The following TDRD3 variants were observed in gnomAD, a reference collection of about 807,000 sequenced individuals.
TDRD3 encodes the protein tudor domain containing 3.
TDRD3 carries 45 observed loss-of-function variants against 86.7 expected under a neutral mutation model. The observed-to-expected ratio is 0.52, with a 90% CI of 0.41 to 0.67. TDRD3 has a LOEUF of 0.67. Ranked by LOEUF, TDRD3 falls within the 30% of genes least tolerant of loss-of-function variation. The pLI is 0.00. For missense variants in TDRD3, 814 were observed against 889.0 expected, an observed-to-expected ratio of 0.92 and a Z score of 1.07; for synonymous variants, 298 against 301.7, an observed-to-expected ratio of 0.99 and a Z score of 0.13.
At chr13:60,448,016 CT>C (rs1472497589) in intron 3 of TDRD3, among the ~76,000 whole-genome samples, 2 of 152,140 alleles carry the variant, frequency 1.3e-5, no homozygotes, top group Admixed American at 1.3e-4. Flanking sequence ...TATCAGTAAT[CT>C]TTTTTGGAAG....
At chr13:60,396,578 T>TC (rs759755515), upstream of TDRD3, 6 of 153,346 alleles carry the variant, frequency 3.9e-5, no homozygotes, top group Non-Finnish European at 7.2e-5. Context: ...ACACGGATGG[T>TC]CCCAGGGGGA....
chr13:60,534,645 G>C (rs557369661), intron 11 of TDRD3, among the ~76,000 whole-genome samples: 2 of 151,978 alleles, frequency 1.3e-5, no homozygotes, highest in African/African-American at 4.8e-5. Context: ...AGAATTGTTG[G>C]CTGGGCGCAG....
At chr13:60,422,696 C>T (rs1458944653) in intron 1 of TDRD3, among the ~76,000 whole-genome samples, 2 of 151,544 alleles carry the variant, frequency 1.3e-5, no homozygotes, top group Non-Finnish European at 2.9e-5. Context: ...GGAAAATGGA[C>T]TAGAATGAAA....
At chr13:60,420,042 AATG>A (rs1024048605) in intron 1 of TDRD3, among the ~76,000 whole-genome samples, 49 of 152,116 alleles carry the variant, frequency 3.2e-4, no homozygotes, top group African/African-American at 1.0e-3. Context: ...TACATCATGT[AATG>A]ATAGATATAC....
intron 1 of TDRD3, among the ~76,000 whole-genome samples, chr13:60,416,627 T>C (rs1204429222): frequency 6.6e-6 from 1 of 152,236 alleles, no homozygotes; most frequent in African/African-American, 2.4e-5. Flanking sequence ...TACTTATAGC[T>C]ACTGTTTCTT....
At chr13:60,455,714 T>G (rs2138030945) in intron 3 of TDRD3, among the ~76,000 whole-genome samples, 1 of 152,250 alleles carries the variant, frequency 6.6e-6, no homozygotes, top group Non-Finnish European at 1.5e-5. Context: ...ATGGAGAGTG[T>G]GATGCTTATG....
chr13:60,496,343 A>G (rs2181297), intron 8 of TDRD3, among the ~76,000 whole-genome samples: 8 of 91,560 alleles, frequency 8.7e-5, no homozygotes, highest in Non-Finnish European at 1.7e-4. Context: ...ATATATATAT[A>G]TCCTCTAAAG....
intron 1 of TDRD3, among the ~76,000 whole-genome samples, chr13:60,417,786 T>C (rs866006652): frequency 1.3e-5 from 2 of 152,160 alleles, no homozygotes; most frequent in Non-Finnish European, 2.9e-5. Context: ...TTCACTGTAC[T>C]TCTCTTCCCC....
chr13:60,530,753 C>A (rs1451490666), intron 11 of TDRD3, among the ~76,000 whole-genome samples: 1 of 151,926 alleles, frequency 6.6e-6, no homozygotes, highest in Non-Finnish European at 1.5e-5. Flanking sequence ...CCACGCCCGG[C>A]CCAAAATAAA....
chr13:60,569,677 C>G (rs925649429), intron 13 of TDRD3, among the ~76,000 whole-genome samples: 14 of 152,116 alleles, frequency 9.2e-5, no homozygotes, highest in African/African-American at 3.4e-4. Context: ...TCAGATTATA[C>G]TACAAAGCCG....
chr13:60,398,273 T>C (rs1953996455), intron 1 of TDRD3, among the ~76,000 whole-genome samples: 1 of 152,128 alleles, frequency 6.6e-6, no homozygotes, highest in African/African-American at 2.4e-5. Context: ...CAATTACTGC[T>C]TTAGGAGAAA....
intron 1 of TDRD3, among the ~76,000 whole-genome samples, chr13:60,433,514 T>C (rs1955005648): frequency 6.6e-6 from 1 of 152,246 alleles, no homozygotes; most frequent in Non-Finnish European, 1.5e-5. Flanking sequence ...GTTCTTTTCT[T>C]GCTTGGAAAG....
intron 12 of TDRD3, among the ~76,000 whole-genome samples, chr13:60,555,837 C>A (rs1284104020): frequency 2.7e-5 from 4 of 150,568 alleles, no homozygotes; most frequent in African/African-American, 4.9e-5. Context: ...GGAAAAAAAA[C>A]CAACCTATTT....
chr13:60,560,824 C>T (rs1022317296), intron 12 of TDRD3, among the ~76,000 whole-genome samples: 2 of 152,056 alleles, frequency 1.3e-5, no homozygotes, highest in African/African-American at 2.4e-5. Context: ...ACAGTCCTCC[C>T]GAAATTTTCT....
At chr13:60,403,096 T>C (rs1224667202) in intron 1 of TDRD3, among the ~76,000 whole-genome samples, 1 of 152,022 alleles carries the variant, frequency 6.6e-6, no homozygotes, top group East Asian at 1.9e-4. Flanking sequence ...TTTGTTAAAC[T>C]GTGCAAGTGT....
At chr13:60,564,967 A>T (rs1351280249) in intron 12 of TDRD3, among the ~76,000 whole-genome samples, 2 of 145,966 alleles carry the variant, frequency 1.4e-5, no homozygotes, top group Admixed American at 6.8e-5. Context: ...GCTCTGCAGG[A>T]TGAGTATTTA....
chr13:60,539,045 T>C (rs1957757711), intron 12 of TDRD3, among the ~76,000 whole-genome samples: 1 of 152,180 alleles, frequency 6.6e-6, no homozygotes, highest in African/African-American at 2.4e-5. Context: ...ATGATTATTG[T>C]GTAGGTAATT....
chr13:60,449,109 T>G (rs991258279), intron 3 of TDRD3, among the ~76,000 whole-genome samples: 2 of 152,140 alleles, frequency 1.3e-5, no homozygotes, highest in Admixed American at 1.3e-4. Context: ...ATGGCTTCAC[T>G]GCCTTAAAAT....
intron 1 of TDRD3, among the ~76,000 whole-genome samples, chr13:60,435,918 G>GTTTTTTTTTGTTTTTTTTTTTTTTTTTTT (rs1955079447): frequency 8.0e-6 from 1 of 124,774 alleles, no homozygotes; most frequent in Non-Finnish European, 1.8e-5. Context: ...AACATCTATG[G>GTTTTTTTTTGTTTTTTTTTTTTTTTTTTT]TTTTTTTTTT....
Sources: gnomAD v4.1 joint callset for allele counts (sites outside exome capture counted in the v4.1 genomes callset) on GRCh38, gnomAD v4.1.1 for gene constraint, MANE v1.5 for transcripts, NCBI Gene and HGNC (gene_info 2026-07-23, HGNC 2026-07-21) for gene names.